The following RBFOX1 variants were observed in gnomAD, a reference collection of about 807,000 sequenced individuals.
RBFOX1 encodes the protein RNA binding fox-1 homolog 1.
In RBFOX1, 8 loss-of-function variants were observed where a neutral mutation model predicts 57.7. That is an observed-to-expected ratio of 0.14 (90% CI 0.08 to 0.25). The LOEUF is 0.25. RBFOX1 is among the 10% of genes least tolerant of loss of function. The probability of loss-of-function intolerance (pLI) is 1.00; values close to 1 mark genes in which losing one functional copy is unlikely to be tolerated. For synonymous variants in RBFOX1, 326 were observed against 222.4 expected (o/e 1.47, Z -4.15); for missense variants, 611 against 548.5 (o/e 1.11, Z -1.14).
chr16:7,494,368 C>G (rs1234831100), intron 4 of RBFOX1, among the ~76,000 whole-genome samples: 2 of 152,116 alleles, frequency 1.3e-5, no homozygotes, highest in African/African-American at 4.8e-5. Context: ...GTGTTATTTT[C>G]CAAGCCCGCT....
chr16:7,192,936 G>A (rs1332692817), intron 4 of RBFOX1, among the ~76,000 whole-genome samples: 1 of 152,214 alleles, frequency 6.6e-6, no homozygotes, highest in Non-Finnish European at 1.5e-5. Flanking sequence ...AAAGCAGAGA[G>A]AAAGATCTCT....
chr16:7,589,683 C>T (rs559898555), intron 7 of RBFOX1, among the ~76,000 whole-genome samples: 3 of 151,988 alleles, frequency 2.0e-5, no homozygotes, highest in Non-Finnish European at 2.9e-5. Context: ...GGATATTTTT[C>T]ATAGTTGACA....
chr16:7,515,255 C>T (rs2076101728), intron 4 of RBFOX1, among the ~76,000 whole-genome samples: 1 of 62,532 alleles, frequency 1.6e-5, no homozygotes, highest in Non-Finnish European at 3.6e-5. Flanking sequence ...TATAAAACAG[C>T]AGAAGTTTTT....
intron 4 of RBFOX1, among the ~76,000 whole-genome samples, chr16:7,133,949 G>T (rs1469322642): frequency 6.6e-6 from 1 of 152,160 alleles, no homozygotes. Context: ...ATATGTCAGG[G>T]TATTTGTCAG....
intron 4 of RBFOX1, among the ~76,000 whole-genome samples, chr16:7,173,864 G>C (rs936396701): frequency 1.3e-5 from 2 of 152,104 alleles, no homozygotes; most frequent in Non-Finnish European, 2.9e-5. Flanking sequence ...TAAGACACAC[G>C]TTAAATAACC....
At chr16:6,456,129 C>G (rs1008756674) in intron 2 of RBFOX1, among the ~76,000 whole-genome samples, 5 of 152,116 alleles carry the variant, frequency 3.3e-5, no homozygotes, top group Admixed American at 2.0e-4. Flanking sequence ...TACTCTGTTG[C>G]TGGGGTTTTG....
At chr16:7,523,594 G>C (rs771174383) in intron 5 of RBFOX1, among the ~76,000 whole-genome samples, 1 of 152,152 alleles carries the variant, frequency 6.6e-6, no homozygotes, top group Non-Finnish European at 1.5e-5. Flanking sequence ...ATGTTTGGAT[G>C]GTACACACTC....
intron 1 of RBFOX1, among the ~76,000 whole-genome samples, chr16:6,085,387 C>G (rs963699394): frequency 2.6e-5 from 4 of 152,208 alleles, no homozygotes; most frequent in Non-Finnish European, 4.4e-5. Context: ...ATTCTCCTGC[C>G]TCAGCCTCCC....
chr16:7,420,764 TG>T (rs2098533314), intron 4 of RBFOX1, among the ~76,000 whole-genome samples: 1 of 151,610 alleles, frequency 6.6e-6, no homozygotes, highest in African/African-American at 2.4e-5. Flanking sequence ...TTCTTTATAT[TG>T]ATCTTTTTTT....
intron 3 of RBFOX1, among the ~76,000 whole-genome samples, chr16:5,780,987 G>A (rs1432358225): frequency 6.6e-6 from 1 of 152,208 alleles, no homozygotes; most frequent in Non-Finnish European, 1.5e-5. Context: ...GTCCCGCTGG[G>A]AGAGGTGGAG....
At chr16:7,489,215 C>G (rs149374308) in intron 4 of RBFOX1, among the ~76,000 whole-genome samples, 1 of 152,044 alleles carries the variant, frequency 6.6e-6, no homozygotes, top group Non-Finnish European at 1.5e-5. Context: ...TTTTAGGGAA[C>G]GTGTAACTGA....
intron 3 of RBFOX1, among the ~76,000 whole-genome samples, chr16:6,682,508 A>G (rs1233810472): frequency 6.6e-6 from 1 of 152,190 alleles, no homozygotes; most frequent in African/African-American, 2.4e-5. Flanking sequence ...TGATGTAGAA[A>G]AGGGTTTCTC....
intron 1 of RBFOX1, among the ~76,000 whole-genome samples, chr16:5,313,773 G>C (rs1596487381): frequency 6.6e-6 from 1 of 152,254 alleles, no homozygotes; most frequent in East Asian, 1.9e-4. Flanking sequence ...CCATGATTCA[G>C]TTACCTCCCA....
chr16:6,598,151 C>T (rs17140687), intron 2 of RBFOX1, among the ~76,000 whole-genome samples: 46,931 of 152,208 alleles, frequency 0.31, 8,839 homozygotes, highest in Non-Finnish European at 0.41. Flanking sequence ...TCTTCACACA[C>T]ACATCTGTTT....
At chr16:7,263,370 C>T (rs780052974) in intron 4 of RBFOX1, among the ~76,000 whole-genome samples, 1 of 152,104 alleles carries the variant, frequency 6.6e-6, no homozygotes, top group Non-Finnish European at 1.5e-5. Context: ...TCTCAGGAAT[C>T]ATCAGGAGAC....
intron 5 of RBFOX1, among the ~76,000 whole-genome samples, chr16:7,543,585 G>A (rs1486513805): frequency 6.6e-6 from 1 of 151,528 alleles, no homozygotes; most frequent in East Asian, 2.0e-4. Context: ...CCAGTCTTAG[G>A]CATATTAAAA....
At chr16:7,020,008 T>A (rs2094126242) in intron 3 of RBFOX1, among the ~76,000 whole-genome samples, 1 of 151,318 alleles carries the variant, frequency 6.6e-6, no homozygotes, top group South Asian at 2.1e-4. Context: ...GATGAAGTGC[T>A]GCTACCCTCA....
chr16:6,716,552 C>T lies in RBFOX1; in HGVS notation c.-16+61902C>T, dbSNP rs112393908. On this transcript the variant is annotated intron_variant, in intron 3 of 15. Transcript: ENST00000550418. ...GTTTACCTGCATAGAACTTACTCTTCCATCTTCTTGGAATGGAACTTGTCT... is the reference window on the plus strand; with the variant it reads ...GTTTACCTGCATAGAACTTACTCTTTCATCTTCTTGGAATGGAACTTGTCT... 2.8e-3 allele frequency among the ~76,000 whole-genome samples: 433 copies of T among 152,352 alleles called. 3 individuals carry two copies. The highest frequency in any genetic ancestry group is 0.01 in the African/African-American group (416 of 41,584).
At chr16:6,075,564 C>T (rs1005937321) in intron 1 of RBFOX1, among the ~76,000 whole-genome samples, 5 of 152,122 alleles carry the variant, frequency 3.3e-5, no homozygotes, top group South Asian at 2.1e-4. Flanking sequence ...GTAAGATTTA[C>T]GCCATAGAAC....
Sources: allele counts gnomAD v4.1 joint callset (sites outside exome capture counted in the v4.1 genomes callset), GRCh38; gene constraint gnomAD v4.1.1; transcripts MANE v1.5; gene names NCBI Gene and HGNC (gene_info 2026-07-23, HGNC 2026-07-21).